The following RUNX1T1 variants were observed in gnomAD, a reference collection of about 807,000 sequenced individuals.
The protein encoded by RUNX1T1 is RUNX1 partner transcriptional co-repressor 1.
RUNX1T1 carries 4 observed loss-of-function variants against 62.8 expected under a neutral mutation model. The observed-to-expected ratio is 0.06, with a 90% confidence interval of 0.03 to 0.15. The LOEUF (loss-of-function observed/expected upper bound fraction) is 0.15, where lower values mean the gene tolerates loss of function less well. RUNX1T1 is among the 10% of genes least tolerant of loss of function. The pLI is 1.00. For missense variants in RUNX1T1, 508 were observed against 754.3 expected (o/e 0.67, Z 3.82); for synonymous variants, 291 against 286.0 (o/e 1.02, Z -0.18).
chr8:92,022,050 G>C (rs1824206929), intron 1 of RUNX1T1, among the ~76,000 whole-genome samples: 1 of 151,732 alleles, frequency 6.6e-6, no homozygotes. Flanking sequence ...CCTTCTGTAT[G>C]ATGGACACAT....
intron 9 of RUNX1T1, among the ~76,000 whole-genome samples, chr8:91,973,130 A>T: frequency 6.6e-6 from 1 of 151,932 alleles, no homozygotes; most frequent in South Asian, 2.1e-4. Context: ...TAAAGTCTTG[A>T]TTTGGTAACT....
intron 6 of RUNX1T1, among the ~76,000 whole-genome samples, chr8:91,987,774 T>C: frequency 6.6e-6 from 1 of 152,140 alleles, no homozygotes; most frequent in Non-Finnish European, 1.5e-5. Context: ...AAAGAGAGGC[T>C]GAAAGGCTCC....
chr8:92,073,338 T>C (rs1383907881), intron 2 of RUNX1T1, among the ~76,000 whole-genome samples: 1 of 152,184 alleles, frequency 6.6e-6, no homozygotes, highest in African/African-American at 2.4e-5. Flanking sequence ...CCCAAGCTGG[T>C]GGCATACCCC....
At chr8:92,078,144 T>C (rs149150550) in intron 1 of RUNX1T1, among the ~76,000 whole-genome samples, 91 of 151,796 alleles carry the variant, frequency 6.0e-4, no homozygotes, top group African/African-American at 2.1e-3. Flanking sequence ...CCCATGAGGA[T>C]TTTCACCACT....
At chr8:92,054,217 C>T (rs1830663956) in intron 1 of RUNX1T1, among the ~76,000 whole-genome samples, 1 of 151,688 alleles carries the variant, frequency 6.6e-6, no homozygotes, top group Admixed American at 6.6e-5. Context: ...TATCTGGTTT[C>T]CACATTTGCA....
intron 9 of RUNX1T1, among the ~76,000 whole-genome samples, chr8:91,971,519 T>C (rs1346767419): frequency 1.3e-5 from 2 of 152,222 alleles, no homozygotes; most frequent in African/African-American, 2.4e-5. Context: ...TAAGTTACTA[T>C]AGACCTTTTA....
In RUNX1T1 at chr8:91,986,984, G is replaced by T; in HGVS notation, c.911-12C>A. 1 of 1,575,076 alleles carries T rather than the reference G, an allele frequency of 6.3e-7. No homozygotes were observed. Among genetic ancestry groups the T allele is most frequent in the Non-Finnish European group, 8.7e-7 (1 of 1,145,230 alleles). Reference sequence around the variant, plus strand: ...TGTGCCATGCAACCCTACAAAAATAGAGAAGGCTGAATAACCCTAAAGCAT... The same window carrying T: ...TGTGCCATGCAACCCTACAAAAATATAGAAGGCTGAATAACCCTAAAGCAT... On this transcript the variant is annotated splice_polypyrimidine_tract_variant and intron_variant, in intron 6 of 10. Transcript: ENST00000396218.
chr8:91,984,417 G>A (rs865927985), intron 8 of RUNX1T1, among the ~76,000 whole-genome samples: 2 of 152,084 alleles, frequency 1.3e-5, no homozygotes, highest in African/African-American at 2.4e-5. Flanking sequence ...CAGTTTGGCC[G>A]ACTGAATTGA....
At chr8:91,983,060 TG>T (rs1033690501) in intron 8 of RUNX1T1, among the ~76,000 whole-genome samples, 1 of 150,830 alleles carries the variant, frequency 6.6e-6, no homozygotes, top group Admixed American at 6.6e-5. Context: ...CCCGAGTAGC[TG>T]GGATTACAGG....
intron 5 of RUNX1T1, among the ~76,000 whole-genome samples, chr8:92,004,176 A>G (rs1201259043): frequency 6.6e-6 from 1 of 152,246 alleles, no homozygotes; most frequent in African/African-American, 2.4e-5. Flanking sequence ...TAACTGTGTC[A>G]GGGTGTTAAC....
chr8:92,072,631 C>A (rs1470728373), intron 2 of RUNX1T1, among the ~76,000 whole-genome samples: 6 of 152,218 alleles, frequency 3.9e-5, no homozygotes, highest in African/African-American at 1.4e-4. Context: ...CTGCCAAATT[C>A]CTATAGAGGC....
chr8:92,056,174 C>A (rs985197434), intron 1 of RUNX1T1, among the ~76,000 whole-genome samples: 1 of 152,126 alleles, frequency 6.6e-6, no homozygotes, highest in African/African-American at 2.4e-5. Context: ...AAAGTTCAAA[C>A]GTAAAATAAC....
intron 1 of RUNX1T1, among the ~76,000 whole-genome samples, chr8:92,034,957 T>C (rs772426737): frequency 8.5e-5 from 13 of 152,130 alleles, no homozygotes; most frequent in Non-Finnish European, 1.8e-4. Context: ...AAATACTGCA[T>C]GTTCTCATTT....
intron 1 of RUNX1T1, among the ~76,000 whole-genome samples, chr8:92,023,920 G>T (rs938552823): frequency 6.6e-6 from 1 of 152,108 alleles, no homozygotes; most frequent in Non-Finnish European, 1.5e-5. Context: ...ATTTAGAGTT[G>T]AGGGTAGAAA....
chr8:91,975,075 G>C (rs1422433011), intron 9 of RUNX1T1, among the ~76,000 whole-genome samples: 1 of 152,214 alleles, frequency 6.6e-6, no homozygotes, highest in African/African-American at 2.4e-5. Context: ...TTAAGAGCTG[G>C]AGTTACAGCA....
chr8:92,028,712 C>T (rs1407047352), intron 1 of RUNX1T1, among the ~76,000 whole-genome samples: 3 of 152,150 alleles, frequency 2.0e-5, no homozygotes, highest in African/African-American at 7.2e-5. Flanking sequence ...GTTAACAATA[C>T]TTAGGAAGGA....
intron 1 of RUNX1T1, among the ~76,000 whole-genome samples, chr8:92,038,182 T>C (rs985596213): frequency 3.3e-5 from 5 of 152,132 alleles, no homozygotes; most frequent in African/African-American, 1.2e-4. Context: ...CCCGGGTAGA[T>C]GGGACTATAG....
chr8:91,975,485 GTTT>G (rs753923268), intron 9 of RUNX1T1, among the ~76,000 whole-genome samples: 1 of 135,170 alleles, frequency 7.4e-6, no homozygotes, highest in Non-Finnish European at 1.6e-5. Flanking sequence ...TGTTGGTTTC[GTTT>G]TTTTTTTTTT....
chr8:92,034,509 G>A (rs1826876175), intron 1 of RUNX1T1, among the ~76,000 whole-genome samples: 1 of 151,986 alleles, frequency 6.6e-6, no homozygotes, highest in Admixed American at 6.6e-5. Context: ...TTATATTGAT[G>A]CATTAATTGA....
Sources: gnomAD v4.1 joint callset for allele counts (sites outside exome capture counted in the v4.1 genomes callset) on GRCh38, gnomAD v4.1.1 for gene constraint, MANE v1.5 for transcripts, NCBI Gene and HGNC (gene_info 2026-07-23, HGNC 2026-07-21) for gene names.